FGFR1: variants seen among roughly 807,000 people sequenced by gnomAD.
FGFR1 encodes the protein fibroblast growth factor receptor 1.
A neutral mutation model predicts 93.7 loss-of-function variants in FGFR1; 18 were observed. That is an observed-to-expected ratio of 0.19 (90% CI 0.13 to 0.28). The LOEUF (loss-of-function observed/expected upper bound fraction) is 0.28, where lower values mean the gene tolerates loss of function less well. Among genes scored for constraint, FGFR1 ranks in the 10% least tolerant of loss-of-function variants. The pLI is 1.00. For synonymous variants in FGFR1, 448 were observed against 429.3 expected, an observed-to-expected ratio of 1.04 and a Z score of -0.54; for missense variants, 731 against 1,080.4, an observed-to-expected ratio of 0.68 and a Z score of 4.53.
intron 13 of FGFR1, among the ~76,000 whole-genome samples, chr8:38,415,160 G>A (rs995152842): frequency 6.6e-6 from 1 of 152,142 alleles, no homozygotes; most frequent in Non-Finnish European, 1.5e-5. Context: ...ATGCTCCTAG[G>A]TCCTGCCTCC....
At chr8:38,440,377 C>G (rs748167401) in intron 2 of FGFR1, 2 of 1,594,564 alleles carry the variant, frequency 1.3e-6, no homozygotes, top group Non-Finnish European at 1.7e-6. Flanking sequence ...TGCCATCCTA[C>G]AAGGGTTTGG....
At chr8:38,449,981 G>C (rs373718126) in intron 2 of FGFR1, among the ~76,000 whole-genome samples, 1 of 152,230 alleles carries the variant, frequency 6.6e-6, no homozygotes, top group Non-Finnish European at 1.5e-5. Flanking sequence ...GCCCACTACC[G>C]GGGAGGAGGG....
chr8:38,420,662 C>A (rs1036611805), intron 8 of FGFR1, among the ~76,000 whole-genome samples: 1 of 152,086 alleles, frequency 6.6e-6, no homozygotes, highest in Non-Finnish European at 1.5e-5. Context: ...ATGGAACACG[C>A]TTTGCCCCAC....
chr8:38,421,516 G>A, intron 8 of FGFR1: 1 of 509,544 alleles, frequency 2.0e-6, no homozygotes, highest in Non-Finnish European at 3.6e-6. Context: ...GAGTCGGGCT[G>A]CAGGGTAAAC....
chr8:38,440,870 G>A (rs1827188734), intron 2 of FGFR1, among the ~76,000 whole-genome samples: 3 of 152,180 alleles, frequency 2.0e-5, no homozygotes, highest in Admixed American at 2.0e-4. Flanking sequence ...GAGCACACAG[G>A]CCCAGGCAGC....
At chr8:38,436,085 G>A (rs1394921924) in intron 2 of FGFR1, among the ~76,000 whole-genome samples, 1 of 152,172 alleles carries the variant, frequency 6.6e-6, no homozygotes, top group Admixed American at 6.5e-5. Flanking sequence ...TGTTAACAGT[G>A]CATTGCGGAC....
chr8:38,415,070 G>C (rs923252249), intron 13 of FGFR1, among the ~76,000 whole-genome samples, 169 bp from the exon 14 acceptor site: 8 of 152,138 alleles, frequency 5.3e-5, no homozygotes, highest in African/African-American at 1.9e-4. Flanking sequence ...CCAGCTCCAG[G>C]CTTCTCATCA....
rs952285515 is a variant in FGFR1, at chr8:38,414,268, C to A, written c.2070G>T (p.Leu690=). Residue 690 remains leucine (L), a synonymous_variant, in exon 16 of 18, where the codon CTG becomes CTT. Coordinates refer to ENST00000447712, the MANE Select transcript of FGFR1 (RefSeq NM_023110.3). ...AGCCGCCCAGAGTGAAGATCTCCCA[C>A]AGGAGCACCCCGAAAGACCACCTGC... ...QSDVWSFGVL[L]WEIFTLGGSP... The A allele has an allele frequency of 6.2e-7, 1 of 1,614,026 alleles. No homozygotes were observed. The highest frequency in any genetic ancestry group is 1.1e-5 in the South Asian group (1 of 91,080).
At chr8:38,459,595 A>C (rs945103850) in intron 1 of FGFR1, among the ~76,000 whole-genome samples, 3 of 152,242 alleles carry the variant, frequency 2.0e-5, no homozygotes, top group African/African-American at 7.2e-5. Context: ...GTGAGGAATT[A>C]ATTCATTCCT....
chr8:38,434,124 C>G (rs1824304795), intron 2 of FGFR1, among the ~76,000 whole-genome samples: 1 of 152,166 alleles, frequency 6.6e-6, no homozygotes, highest in South Asian at 2.1e-4. Context: ...TAATAATATT[C>G]AATTGTGTAG....
At position 38,426,267 on chromosome 8, in the gene FGFR1, ATAC is replaced by A; in HGVS notation, c.622-25_622-23del. On this transcript the variant is annotated intron_variant, in intron 5 of 17. Transcript: ENST00000447712. This position sits in a 1 kb window ranked among gnomAD's most constrained non-coding sequence, Gnocchi z 4.1. ...GGACCTGAGGGGAAATGCCAAAGGG[ATAC>A]ATTGAGGGTCCAGAGGAAAATGCAG... 1 of 1,613,872 alleles carries A rather than the reference ATAC, an allele frequency of 6.2e-7. No homozygotes were observed. Among genetic ancestry groups the A allele is most frequent in the Admixed American group, 1.7e-5 (1 of 60,018 alleles).
intron 2 of FGFR1, among the ~76,000 whole-genome samples, chr8:38,448,000 C>T (rs1203172379): frequency 2.0e-5 from 3 of 152,068 alleles, no homozygotes; most frequent in South Asian, 2.1e-4. Flanking sequence ...CTTTGTACAC[C>T]CACACAATGG....
chr8:38,433,934 T>C (rs1334597839), intron 2 of FGFR1, among the ~76,000 whole-genome samples: 3 of 152,146 alleles, frequency 2.0e-5, no homozygotes, highest in Non-Finnish European at 4.4e-5. Context: ...CCATCCCCTA[T>C]CCCCAGTCTA....
intron 2 of FGFR1, among the ~76,000 whole-genome samples, chr8:38,452,192 GACACACAGACACACAC>G (rs1270998841): frequency 1.3e-4 from 12 of 91,480 alleles, no homozygotes; most frequent in Admixed American, 5.5e-4. Context: ...CAGACACACA[GACACACAGACACACAC>G]ACACACACAC....
Position 38,424,957 on chromosome 8 carries a change from C to A in FGFR1, c.746-258G>T, listed in dbSNP as rs1295926353. Reference sequence around the variant, plus strand: ...AAGTCGCTCATGCTTTAATGGAGAACCTTCTAATTCAGTTGCACCCCCAGA... The same window carrying A: ...AAGTCGCTCATGCTTTAATGGAGAAACTTCTAATTCAGTTGCACCCCCAGA... On this transcript the variant is annotated intron_variant, in intron 6 of 17. Transcript: ENST00000447712. The surrounding 1 kb of genome is among the most constrained non-coding windows in gnomAD (Gnocchi z 4.3). Among the ~76,000 whole-genome samples the A allele has an allele frequency of 6.6e-6, 1 of 152,196 alleles. No individual in the cohort carries two copies. Among genetic ancestry groups the A allele is most frequent in the African/African-American group, 2.4e-5 (1 of 41,430 alleles).
rs577891613 is a variant in FGFR1 at position 38,427,523 on chromosome 8, G to A, written c.621+398C>T. On this transcript the variant is annotated intron_variant, in intron 5 of 17. Transcript: ENST00000447712. ...TCGAACTCCTGAGCTCAGGCAATCC[G>A]CCCACCTCGGCCTCCCAAAGTGATA... is the stretch of plus-strand genomic sequence containing the variant. 5.3e-5 allele frequency among the ~76,000 whole-genome samples: 8 copies of A among 152,274 alleles called. No individual in the cohort carries two copies. The East Asian group carries it at 1.2e-3, about 22-fold the overall frequency.
chr8:38,459,563 G>A (rs1264837406), intron 1 of FGFR1, among the ~76,000 whole-genome samples: 1 of 152,184 alleles, frequency 6.6e-6, no homozygotes, highest in African/African-American at 2.4e-5. Flanking sequence ...GATGCCCTAA[G>A]TAGAATTAAT....
chr8:38,461,036 G>A (rs2151423929), intron 1 of FGFR1: 3 of 1,531,872 alleles, frequency 2.0e-6, no homozygotes, highest in Middle Eastern at 3.4e-4. Flanking sequence ...GTCCTCGGTG[G>A]GGAGCAGAGA....
intron 2 of FGFR1, among the ~76,000 whole-genome samples, chr8:38,443,383 G>T (rs1459502982): frequency 2.0e-5 from 3 of 151,910 alleles, no homozygotes; most frequent in Non-Finnish European, 4.4e-5. Flanking sequence ...AATTGGCCGG[G>T]CACAGTGGCT....
Sources: gnomAD v4.1 joint callset for allele counts (sites outside exome capture counted in the v4.1 genomes callset) on GRCh38, gnomAD v4.1.1 for gene constraint, Gnocchi (gnomAD v3.1) non-coding constraint, MANE v1.5 for transcripts, NCBI Gene and HGNC (gene_info 2026-07-23, HGNC 2026-07-21) for gene names.